Variants in XKR9 observed in about 807,000 individuals in gnomAD.
The protein encoded by XKR9 is XK-related protein 9.
Under a neutral mutation model 32.0 loss-of-function variants are expected in XKR9, and 32 were observed. The observed-to-expected ratio is 1.00, with a 90% confidence interval of 0.76 to 1.34. XKR9 has a LOEUF of 1.34. Among genes scored for constraint, XKR9 ranks in the 40% most tolerant of loss-of-function variants. XKR9 has a pLI of 0.00. For synonymous variants in XKR9, 168 were observed against 143.4 expected, an observed-to-expected ratio of 1.17 and a Z score of -1.22; for missense variants, 546 against 429.7, an observed-to-expected ratio of 1.27 and a Z score of -2.39.
At chr8:71,043,395 C>T in the XKR9 span, among the ~76,000 whole-genome samples, 3 of 152,182 alleles carry the variant, frequency 2.0e-5, no homozygotes, top group Non-Finnish European at 2.9e-5. Context: ...GCAAGTCCTT[C>T]TTTGTAAGTA....
At chr8:70,957,628 A>C in the XKR9 span, among the ~76,000 whole-genome samples, 1 of 152,104 alleles carries the variant, frequency 6.6e-6, no homozygotes, top group Non-Finnish European at 1.5e-5. Context: ...AAGTGAGGAC[A>C]TGTGGTATTT....
the XKR9 span, among the ~76,000 whole-genome samples, chr8:70,899,117 A>G: frequency 1.2e-4 from 18 of 152,136 alleles, no homozygotes; most frequent in East Asian, 3.3e-3. Context: ...GGGTCTCACT[A>G]TGTTGCTCAG....
downstream of XKR9, among the ~76,000 whole-genome samples, chr8:70,739,666 G>C (rs1051262282): frequency 6.6e-6 from 1 of 152,022 alleles, no homozygotes; most frequent in South Asian, 2.1e-4. Flanking sequence ...AAGCTTGGTG[G>C]TGACAAAATC....
At chr8:70,768,752 CTT>C (rs34429338) in intron 2 of XKR9, among the ~76,000 whole-genome samples, 47,980 of 144,078 alleles carry the variant, frequency 0.33, 8,679 homozygotes, top group Non-Finnish European at 0.43. Context: ...GAAACCCCTG[CTT>C]TTTTTTTTTT....
chr8:70,912,148 A>G, the XKR9 span, among the ~76,000 whole-genome samples: 1 of 152,092 alleles, frequency 6.6e-6, no homozygotes, highest in African/African-American at 2.4e-5. Flanking sequence ...GGGGTGGGGG[A>G]GAATGATGGG....
chr8:70,755,474 G>A (rs537047022), intron 2 of XKR9, among the ~76,000 whole-genome samples: 12 of 152,184 alleles, frequency 7.9e-5, no homozygotes, highest in Middle Eastern at 3.4e-3. Context: ...GTTTATTGTG[G>A]CATTATTCAC....
At chr8:70,697,950 A>C (rs1196941446) in intron 3 of XKR9, among the ~76,000 whole-genome samples, 5 of 151,668 alleles carry the variant, frequency 3.3e-5, no homozygotes, top group Non-Finnish European at 7.4e-5. Flanking sequence ...CATTTCTTCT[A>C]GATTTTCTAG....
chr8:70,716,445 G>A lies in XKR9; in HGVS notation c.493+9292G>A, dbSNP rs4088591. Among the ~76,000 whole-genome samples the A allele has an allele frequency of 2.5e-3, 383 of 151,988 alleles. 7 individuals are homozygous for A. Among genetic ancestry groups the A allele is most frequent in the African/African-American group, 8.7e-3 (363 of 41,486 alleles). ...TGCAGGGCTGCGGTGGGGGGCCTTA[G>A]AAAACTTACTAGCATGGCAGAAGGG... On this transcript the variant is annotated intron_variant, in intron 4 of 4. Coordinates refer to ENST00000408926, the MANE Select transcript of XKR9 (RefSeq NM_001011720.2).
the XKR9 span, among the ~76,000 whole-genome samples, chr8:71,016,382 G>A: frequency 6.6e-6 from 1 of 152,084 alleles, no homozygotes; most frequent in Non-Finnish European, 1.5e-5. Context: ...CAGACAGAAG[G>A]GAGTCAACTT....
downstream of XKR9, among the ~76,000 whole-genome samples, chr8:70,737,965 C>A (rs200815812): frequency 2.6e-5 from 3 of 116,478 alleles, no homozygotes; most frequent in African/African-American, 8.3e-5. Context: ...CTTTGGTATC[C>A]GGATGATGCT....
At chr8:70,975,203 C>T in the XKR9 span, among the ~76,000 whole-genome samples, 1 of 152,200 alleles carries the variant, frequency 6.6e-6, no homozygotes, top group African/African-American at 2.4e-5. Context: ...CCTGTCCACT[C>T]TGATGGTAGT....
chr8:70,835,036 A>T, the XKR9 span, among the ~76,000 whole-genome samples: 4 of 152,218 alleles, frequency 2.6e-5, no homozygotes, highest in South Asian at 4.1e-4. Context: ...TAATCCTAAT[A>T]TGATCACATC....
intron 3 of XKR9, among the ~76,000 whole-genome samples, chr8:70,699,748 A>T (rs1805444946): frequency 6.6e-6 from 1 of 152,150 alleles, no homozygotes; most frequent in African/African-American, 2.4e-5. Context: ...AGATTGGGGA[A>T]GTTCTCCTGG....
chr8:70,709,271 T>C (rs1805826094), intron 4 of XKR9, among the ~76,000 whole-genome samples: 1 of 152,058 alleles, frequency 6.6e-6, no homozygotes, highest in Non-Finnish European at 1.5e-5. Flanking sequence ...CTCAACAAAC[T>C]AGGCATCAAA....
At chr8:70,980,822 G>C in the XKR9 span, among the ~76,000 whole-genome samples, 3 of 152,298 alleles carry the variant, frequency 2.0e-5, no homozygotes, top group Non-Finnish European at 4.4e-5. Flanking sequence ...CGTTCTTGTA[G>C]TGCTGGCTTT....
At chr8:70,696,014 CT>C (rs1805261345) in intron 3 of XKR9, among the ~76,000 whole-genome samples, 3 of 151,034 alleles carry the variant, frequency 2.0e-5, no homozygotes, top group Admixed American at 1.3e-4. Context: ...CCTTCGCCCA[CT>C]TTTTGATGGG....
At chr8:70,869,753 G>T in the XKR9 span, among the ~76,000 whole-genome samples, 2 of 152,134 alleles carry the variant, frequency 1.3e-5, no homozygotes. Flanking sequence ...TATTAGACTA[G>T]AGGTACTGGT....
At chr8:70,699,502 A>G (rs1002061551) in intron 3 of XKR9, among the ~76,000 whole-genome samples, 1 of 152,136 alleles carries the variant, frequency 6.6e-6, no homozygotes, top group Non-Finnish European at 1.5e-5. Context: ...AGAATGTTGA[A>G]TATTGGCCCC....
At chr8:70,754,704 A>C (rs1272834826) in intron 2 of XKR9, among the ~76,000 whole-genome samples, 1 of 151,206 alleles carries the variant, frequency 6.6e-6, no homozygotes, top group Non-Finnish European at 1.5e-5. Context: ...AAAACTGGCT[A>C]GCCATATGTA....
Sources: allele counts gnomAD v4.1 joint callset (sites outside exome capture counted in the v4.1 genomes callset), GRCh38; gene constraint gnomAD v4.1.1; transcripts MANE v1.5; gene names NCBI Gene and HGNC (gene_info 2026-07-23, HGNC 2026-07-21).